The following UBE2G1 variants were observed in gnomAD, a reference collection of about 807,000 sequenced individuals.
UBE2G1 encodes the protein ubiquitin-conjugating enzyme E2 G1.
A neutral mutation model predicts 22.7 loss-of-function variants in UBE2G1; 5 were observed. The observed-to-expected ratio is 0.22, with a 90% CI of 0.12 to 0.46. UBE2G1 has a LOEUF of 0.46. Ranked by LOEUF, UBE2G1 falls within the 20% of genes least tolerant of loss-of-function variation. The pLI, the probability that UBE2G1 is intolerant of heterozygous loss-of-function variation, is 0.99. For synonymous variants in UBE2G1, 74 were observed against 67.5 expected, an observed-to-expected ratio of 1.10 and a Z score of -0.47; for missense variants, 88 against 203.9, an observed-to-expected ratio of 0.43 and a Z score of 3.46.
At chr17:4,359,596 C>T (rs1323799088) in intron 1 of UBE2G1, among the ~76,000 whole-genome samples, 2 of 152,164 alleles carry the variant, frequency 1.3e-5, no homozygotes, top group African/African-American at 4.8e-5. Context: ...TTAGACCGGG[C>T]GCGATGGCTC....
intron 1 of UBE2G1, among the ~76,000 whole-genome samples, chr17:4,310,938 T>C (rs1969303213): frequency 1.3e-5 from 2 of 152,138 alleles, no homozygotes; most frequent in African/African-American, 4.8e-5. Context: ...GAGCTGGGCA[T>C]GGTGGCTCAC....
At chr17:4,328,062 TAAAG>T (rs943822265) in intron 1 of UBE2G1, among the ~76,000 whole-genome samples, 3 of 152,112 alleles carry the variant, frequency 2.0e-5, no homozygotes, top group Non-Finnish European at 2.9e-5. Flanking sequence ...GTCTCACTGT[TAAAG>T]AAAGAGAGCA....
chr17:4,308,550 A>G (rs1441411772), intron 1 of UBE2G1, among the ~76,000 whole-genome samples: 1 of 152,172 alleles, frequency 6.6e-6, no homozygotes, highest in Non-Finnish European at 1.5e-5. Flanking sequence ...ACACACACAC[A>G]ATTTAATAAG....
intron 1 of UBE2G1, among the ~76,000 whole-genome samples, chr17:4,333,072 T>C (rs923451963): frequency 5.9e-5 from 9 of 152,172 alleles, no homozygotes; most frequent in Admixed American, 5.9e-4. Flanking sequence ...CTTAAAAATA[T>C]GTATCACTTT....
intron 1 of UBE2G1, among the ~76,000 whole-genome samples, chr17:4,354,561 T>C (rs2143822174): frequency 6.6e-6 from 1 of 152,230 alleles, no homozygotes; most frequent in Admixed American, 6.5e-5. Flanking sequence ...AGGAAAGGGC[T>C]CGAGTTTTAT....
At chr17:4,365,953 C>T (rs927660068) in intron 1 of UBE2G1, among the ~76,000 whole-genome samples, 7 of 152,100 alleles carry the variant, frequency 4.6e-5, no homozygotes, top group African/African-American at 1.7e-4. Flanking sequence ...CTGGCGGCCC[C>T]GGCCTGGGGA....
At chr17:4,339,400 C>G (rs1003492466) in intron 1 of UBE2G1, among the ~76,000 whole-genome samples, 1 of 151,784 alleles carries the variant, frequency 6.6e-6, no homozygotes, top group African/African-American at 2.4e-5. Context: ...CGACTCCCGG[C>G]TTCAAGCAAT....
chr17:4,303,220 T>C (rs1969206890), intron 2 of UBE2G1, among the ~76,000 whole-genome samples: 1 of 152,304 alleles, frequency 6.6e-6, no homozygotes, highest in Middle Eastern at 3.4e-3. Flanking sequence ...GCAGTGACCC[T>C]TCTGAGTTGA....
rs184669290 is a variant in UBE2G1 at position 4,296,452 on chromosome 17, G to A, written c.247+265C>T. 1.2e-3 allele frequency among the ~76,000 whole-genome samples: 177 copies of A among 152,162 alleles called. 1 individual carries two copies. Among genetic ancestry groups the A allele is most frequent in the African/African-American group, 4.0e-3 (168 of 41,516 alleles). On this transcript the variant is annotated intron_variant, in intron 3 of 5. Coordinates refer to ENST00000396981, the MANE Select transcript of UBE2G1 (RefSeq NM_003342.5). ...TAATTTTTGTATTTTGAGTAGAGAT[G>A]GGGTTTCACCATGTTTGCCAGGCTG...
chr17:4,308,723 G>T (rs1260936036), intron 1 of UBE2G1, among the ~76,000 whole-genome samples: 2 of 152,182 alleles, frequency 1.3e-5, no homozygotes, highest in African/African-American at 2.4e-5. Context: ...AGAGTGGTTT[G>T]AAAAGGACTT....
intron 2 of UBE2G1, among the ~76,000 whole-genome samples, chr17:4,300,083 C>T (rs1456778363): frequency 1.7e-4 from 5 of 29,872 alleles, no homozygotes; most frequent in Admixed American, 1.2e-3. Flanking sequence ...ACCTGGCCTA[C>T]CTGCTTTTTT....
At chr17:4,327,789 C>T (rs1047090389) in intron 1 of UBE2G1, among the ~76,000 whole-genome samples, 2 of 152,172 alleles carry the variant, frequency 1.3e-5, no homozygotes, top group Admixed American at 6.6e-5. Flanking sequence ...AAGCCTTCGA[C>T]GTGGCCCACA....
At chr17:4,316,954 A>G (rs967999214) in intron 1 of UBE2G1, among the ~76,000 whole-genome samples, 75 of 151,832 alleles carry the variant, frequency 4.9e-4, no homozygotes, top group Admixed American at 9.2e-4. Context: ...AAAAAAAAAA[A>G]AAAATCAAGG....
chr17:4,333,738 G>A (rs1291459054), intron 1 of UBE2G1, among the ~76,000 whole-genome samples: 2 of 151,948 alleles, frequency 1.3e-5, no homozygotes, highest in Admixed American at 6.6e-5. Context: ...GGGGAATCTC[G>A]AACCCAGGAG....
chr17:4,289,199 G>A (rs377755825), intron 4 of UBE2G1, 31 bp downstream of exon 4: 1 of 1,481,386 alleles, frequency 6.8e-7, no homozygotes, highest in Admixed American at 2.5e-5. Context: ...AAGGGAAAGT[G>A]AAGGGAAGGG....
intron 1 of UBE2G1, among the ~76,000 whole-genome samples, chr17:4,315,257 G>T (rs1405700585): frequency 6.6e-6 from 1 of 152,058 alleles, no homozygotes; most frequent in Non-Finnish European, 1.5e-5. Context: ...GTATTATTGG[G>T]CATTTAAAAT....
intron 2 of UBE2G1, among the ~76,000 whole-genome samples, chr17:4,303,102 C>G (rs1472962635): frequency 6.6e-6 from 1 of 152,102 alleles, no homozygotes; most frequent in Non-Finnish European, 1.5e-5. Context: ...CATTCCCTTT[C>G]CTGGTAGGGG....
At chr17:4,317,605 A>G (rs1368356560) in intron 1 of UBE2G1, among the ~76,000 whole-genome samples, 4 of 152,214 alleles carry the variant, frequency 2.6e-5, no homozygotes, top group Admixed American at 1.3e-4. Flanking sequence ...GACAAGCCAA[A>G]CAGATCAGAG....
chr17:4,273,867 A>G (rs531824503), intron 5 of UBE2G1, among the ~76,000 whole-genome samples: 2 of 152,360 alleles, frequency 1.3e-5, no homozygotes, highest in South Asian at 4.1e-4. Context: ...TAAGAAATCA[A>G]GGGATATAAT....
Sources: gnomAD v4.1 joint callset for allele counts (sites outside exome capture counted in the v4.1 genomes callset) on GRCh38, gnomAD v4.1.1 for gene constraint, MANE v1.5 for transcripts, NCBI Gene and HGNC (gene_info 2026-07-23, HGNC 2026-07-21) for gene names.